The following ZEB2 variants were observed in gnomAD, a reference collection of about 807,000 sequenced individuals.
ZEB2 encodes zinc finger E-box binding homeobox 2, also known as zinc finger E-box-binding homeobox 2.
ZEB2 carries 6 observed loss-of-function variants against 99.9 expected under a neutral mutation model. The ratio of observed to expected loss-of-function variants is 0.06; its 90% CI spans 0.03 to 0.12. The LOEUF is 0.12. Ranked by LOEUF, ZEB2 falls within the 10% of genes least tolerant of loss-of-function variation. ZEB2 has a pLI of 1.00. For missense variants in ZEB2, 969 were observed against 1,502.8 expected (o/e 0.64, Z 5.87); for synonymous variants, 517 against 542.5 (o/e 0.95, Z 0.65).
chr2:144,400,298 C>A (rs374112817), intron 7 of ZEB2, 28 bp from the exon 8 acceptor site: 2 of 1,598,370 alleles, frequency 1.3e-6, no homozygotes, highest in Non-Finnish European at 1.7e-6. Context: ...ATTACCGTTA[C>A]ATTTCCTTGA....
At chr2:144,462,616 A>G (rs1704210459) in intron 2 of ZEB2, 1 of 152,208 alleles carries the variant, frequency 6.6e-6, no homozygotes, top group African/African-American at 2.4e-5. Context: ...GAGCCATCTA[A>G]ACATTTTTCA....
chr2:144,512,621 T>G (rs761728387), intron 2 of ZEB2: 2 of 1,287,096 alleles, frequency 1.6e-6, no homozygotes, highest in African/African-American at 1.5e-5. Context: ...AGAGAAACAA[T>G]GTAAAGTTTA....
chr2:144,429,243 A>C (rs929041634), intron 3 of ZEB2: 1 of 160,078 alleles, frequency 6.2e-6, no homozygotes, highest in Non-Finnish European at 1.4e-5. Context: ...CTACCTGACC[A>C]GGTAAAAGTG....
intron 4 of ZEB2, among the ~76,000 whole-genome samples, chr2:144,418,234 T>C (rs1205354212): frequency 6.6e-6 from 1 of 152,240 alleles, no homozygotes; most frequent in African/African-American, 2.4e-5. Flanking sequence ...TTTTCCAGAA[T>C]GTCAAAAGAA....
intron 2 of ZEB2, among the ~76,000 whole-genome samples, chr2:144,452,177 A>G (rs1427088819): frequency 6.6e-6 from 1 of 152,190 alleles, no homozygotes; most frequent in African/African-American, 2.4e-5. Context: ...AGAAACTTCA[A>G]ATGCCACTTT....
chr2:144,500,436 T>C (rs1560652030), intron 2 of ZEB2, among the ~76,000 whole-genome samples: 1 of 152,204 alleles, frequency 6.6e-6, no homozygotes, highest in Non-Finnish European at 1.5e-5. Flanking sequence ...GAAAACCAGT[T>C]TGGGAATGAG....
At chr2:144,409,757 T>C (rs1703433456) in intron 4 of ZEB2, among the ~76,000 whole-genome samples, 1 of 152,206 alleles carries the variant, frequency 6.6e-6, no homozygotes. Flanking sequence ...GGCATGGTGG[T>C]GCGTGCCTGT....
chr2:144,446,509 A>G (rs1209974709), intron 2 of ZEB2, among the ~76,000 whole-genome samples: 3 of 152,060 alleles, frequency 2.0e-5, no homozygotes, highest in African/African-American at 7.2e-5. Flanking sequence ...TCAGGACTCC[A>G]TTTTCACAAA....
chr2:144,432,956 T>G (rs2149892631), intron 2 of ZEB2, among the ~76,000 whole-genome samples: 1 of 152,238 alleles, frequency 6.6e-6, no homozygotes, highest in Middle Eastern at 3.4e-3. Flanking sequence ...TATTCAGCAT[T>G]TAAAAGCCTG....
At chr2:144,423,056 A>C (rs1047109342) in intron 4 of ZEB2, among the ~76,000 whole-genome samples, 2 of 152,192 alleles carry the variant, frequency 1.3e-5, no homozygotes, top group African/African-American at 4.8e-5. Flanking sequence ...GACTGAATAC[A>C]TATGAACTAC....
chr2:144,421,743 A>G (rs944655855), intron 4 of ZEB2, among the ~76,000 whole-genome samples: 5 of 151,710 alleles, frequency 3.3e-5, no homozygotes, highest in African/African-American at 1.2e-4. Context: ...ACTTGCTTCA[A>G]CAAATACACT....
At chr2:144,511,182 C>T (rs143211886) in intron 2 of ZEB2, among the ~76,000 whole-genome samples, 1 of 152,268 alleles carries the variant, frequency 6.6e-6, no homozygotes, top group African/African-American at 2.4e-5. Context: ...CTAAATGAAC[C>T]AGCAAGGCAC....
At chr2:144,501,733 A>G (rs1326423891) in intron 2 of ZEB2, among the ~76,000 whole-genome samples, 1 of 152,150 alleles carries the variant, frequency 6.6e-6, no homozygotes, top group East Asian at 1.9e-4. Flanking sequence ...TTCACTTTAT[A>G]TATTAAGTAA....
At chr2:144,438,480 G>A (rs1422775723) in intron 2 of ZEB2, among the ~76,000 whole-genome samples, 1 of 152,058 alleles carries the variant, frequency 6.6e-6, no homozygotes, top group Admixed American at 6.6e-5. Context: ...TAGGGGGGCT[G>A]GAGATCTGCT....
intron 4 of ZEB2, among the ~76,000 whole-genome samples, chr2:144,411,123 T>C (rs13034662): frequency 0.62 from 73,120 of 117,310 alleles, 25,372 homozygotes; most frequent in East Asian, 0.81. Context: ...ATCTCATATA[T>C]ACACACACAC....
At chr2:144,489,125 A>G (rs1306165691) in intron 2 of ZEB2, among the ~76,000 whole-genome samples, 1 of 152,220 alleles carries the variant, frequency 6.6e-6, no homozygotes, top group Non-Finnish European at 1.5e-5. Context: ...GCTATTTAAC[A>G]TAAAGTTTAT....
chr2:144,396,714 AT>A (rs1032714983), intron 8 of ZEB2, 122 bp from the exon 9 acceptor site: 330 of 1,055,490 alleles, frequency 3.1e-4, no homozygotes, highest in Middle Eastern at 5.1e-4. Flanking sequence ...TGAGTTAAAC[AT>A]TTTTTTTTCC....
At chr2:144,486,204 A>G (rs1560645318) in intron 2 of ZEB2, among the ~76,000 whole-genome samples, 1 of 152,202 alleles carries the variant, frequency 6.6e-6, no homozygotes, top group East Asian at 1.9e-4. Flanking sequence ...AAAAACAAAC[A>G]CATCTTTTCT....
intron 2 of ZEB2, among the ~76,000 whole-genome samples, chr2:144,480,726 T>TAAAAA: frequency 1.9e-5 from 1 of 51,666 alleles, no homozygotes; most frequent in Non-Finnish European, 4.9e-5. Flanking sequence ...TACTAAAAGT[T>TAAAAA]AAAAAAAAAA....
Sources: gnomAD v4.1 joint callset for allele counts (sites outside exome capture counted in the v4.1 genomes callset) on GRCh38, gnomAD v4.1.1 for gene constraint, MANE v1.5 for transcripts, NCBI Gene and HGNC (gene_info 2026-07-23, HGNC 2026-07-21) for gene names.